Variants in TRAF3IP3 observed in about 807,000 individuals in gnomAD.
The protein encoded by TRAF3IP3 is TRAF3-interacting JNK-activating modulator.
A neutral mutation model predicts 86.5 loss-of-function variants in TRAF3IP3; 64 were observed. The observed-to-expected ratio is 0.74, with a 90% CI of 0.60 to 0.91. The LOEUF is 0.91. Among genes scored for constraint, TRAF3IP3 ranks in the 40% least tolerant of loss-of-function variants. The pLI is 0.00. For missense variants in TRAF3IP3, 579 were observed against 642.9 expected, an observed-to-expected ratio of 0.90 and a Z score of 1.07; for synonymous variants, 220 against 243.9, an observed-to-expected ratio of 0.90 and a Z score of 0.91.
At chr1:209,768,022 C>T (rs1041776113) in intron 8 of TRAF3IP3, 1 of 587,870 alleles carries the variant, frequency 1.7e-6, no homozygotes, top group South Asian at 7.5e-5. Flanking sequence ...TAAAGAAAAA[C>T]AGTCTCAGAC....
intron 9 of TRAF3IP3, among the ~76,000 whole-genome samples, chr1:209,774,782 T>C (rs148771611): frequency 6.6e-6 from 1 of 152,264 alleles, no homozygotes; most frequent in East Asian, 1.9e-4. Flanking sequence ...AATGCAGAAC[T>C]GAAAAGGGAC....
intron 8 of TRAF3IP3, 70 bp from the exon 9 acceptor site, chr1:209,772,878 G>A: frequency 2.2e-6 from 3 of 1,346,286 alleles, no homozygotes; most frequent in Non-Finnish European, 2.1e-6. Flanking sequence ...AGTAGAATAG[G>A]AATATAGAGT....
At position 209,777,548 on chromosome 1, in the gene TRAF3IP3, A is replaced by C. The variant is rs547381489; in HGVS notation, c.1189+61A>C. 3.3e-6 allele frequency: 5 copies of C among 1,500,684 alleles called. No individual in the cohort carries two copies. The East Asian group carries it at 1.2e-4, about 35-fold the overall frequency. 93.0% of individuals were successfully genotyped at this position (1,500,684 alleles called of 1,614,324 possible). ...GCCATGGCCAAGTGAGCTAAGAAAA[A>C]AGAAACTGAATTAAGAGAAAGGCTT... On this transcript the variant is annotated intron_variant, in intron 12 of 16. Transcript: ENST00000367025.
rs180704292 is a variant in TRAF3IP3 at position 209,759,518 on chromosome 1, G to C, written c.-59+384G>C. Among the ~76,000 whole-genome samples the C allele has an allele frequency of 4.0e-3, 616 of 152,318 alleles. 2 individuals are homozygous for C. Among genetic ancestry groups the C allele is most frequent in the South Asian group, 0.013 (62 of 4,832 alleles). On this transcript the variant is annotated intron_variant, in intron 2 of 16. Transcript: ENST00000367025. ...CTATGTTAGTGACAGCTTGGACCAA[G>C]AGACCAGTAAAGATACTGACTTTCC...
Position 209,772,935 on chromosome 1 carries a change from C to G in TRAF3IP3, c.703-13C>G. 1 of 1,613,256 alleles carries G rather than the reference C, an allele frequency of 6.2e-7. No homozygotes were observed. Among genetic ancestry groups the G allele is most frequent in the East Asian group, 2.2e-5 (1 of 44,852 alleles). On this transcript the variant is annotated splice_polypyrimidine_tract_variant and intron_variant, in intron 8 of 16. Coordinates refer to ENST00000367025, the MANE Select transcript of TRAF3IP3 (RefSeq NM_025228.4). ...TTTGCCCCAAGCTCATTAACTCATC[C>G]CATTTGCTCCAGGGACAGCTTAATG...
chr1:209,768,651 C>G (rs2077402015), intron 8 of TRAF3IP3: 3 of 985,604 alleles, frequency 3.0e-6, no homozygotes, highest in African/African-American at 1.7e-5. Context: ...AGACCTCAGA[C>G]CGGCACCAGG....
chr1:209,779,590 G>A (rs566430926), intron 14 of TRAF3IP3: 2 of 671,768 alleles, frequency 3.0e-6, no homozygotes, highest in East Asian at 2.7e-5. Context: ...TGTGAAAAAG[G>A]GTTTCTATTC....
rs374009294 is a variant in TRAF3IP3, at chr1:209,780,648, T to C, written c.1449+42T>C. 436 of 1,468,706 alleles carry C rather than the reference T, an allele frequency of 3.0e-4. No homozygotes were observed. The African/African-American group carries it at 5.4e-3, about 18-fold the overall frequency. The allele number at this position is 1,468,706 out of a possible 1,614,324, so 91.0% of individuals were successfully genotyped here. On this transcript the variant is annotated intron_variant, in intron 15 of 16. Coordinates refer to ENST00000367025, the MANE Select transcript of TRAF3IP3 (RefSeq NM_025228.4). ...AGATAGTGAGGGCTCATTTGCGAAA[T>C]AGCAGAGAAACCTGGGAGGCAGTCA...
Position 209,782,159 on chromosome 1 carries a change from A to C in TRAF3IP3, c.*11A>C, listed in dbSNP as rs1056198749. 5.0e-6 allele frequency: 8 copies of C among 1,608,160 alleles called. No individual in the cohort carries two copies. Among genetic ancestry groups the C allele is most frequent in the Non-Finnish European group, 6.8e-6 (8 of 1,174,684 alleles). On this transcript the variant is annotated 3_prime_UTR_variant, in exon 17 of 17. Transcript: ENST00000367025. The stretch of plus-strand genomic sequence containing the variant: ...AACCTGATGATCTGAATAATTTGTG[A>C]CAACTGCCTTGGGTGAAAATCAGAA...
chr1:209,778,861 A>T (rs1469897953), intron 13 of TRAF3IP3: 1 of 176,218 alleles, frequency 5.7e-6, no homozygotes, highest in African/African-American at 2.4e-5. Flanking sequence ...TGAAGAACAG[A>T]AATGTATTGT....
At chr1:209,781,818 T>G (rs2077787096) in intron 16 of TRAF3IP3, 1 of 543,616 alleles carries the variant, frequency 1.8e-6, no homozygotes, top group Non-Finnish European at 3.3e-6. Flanking sequence ...CCTTCATTAT[T>G]CATATCAGTA....
intron 3 of TRAF3IP3, 55 bp downstream of exon 3, chr1:209,760,439 G>A (rs751212411): frequency 1.7e-5 from 25 of 1,439,612 alleles, no homozygotes; most frequent in Non-Finnish European, 2.2e-5. Context: ...CTCTGGACAA[G>A]GAGGGTGGGT....
At chr1:209,773,099 T>C (rs2077580364) in intron 9 of TRAF3IP3, 80 bp downstream of exon 9, 7 of 1,233,196 alleles carry the variant, frequency 5.7e-6, no homozygotes, top group East Asian at 2.6e-5. Context: ...AATCTTACTT[T>C]CGAGAAACAC....
chr1:209,781,877 T>C (rs2077789188), intron 16 of TRAF3IP3, 179 bp from the exon 17 acceptor site: 1 of 590,580 alleles, frequency 1.7e-6, no homozygotes. Context: ...CCAGAGAACA[T>C]TGGTTAAGTG....
chr1:209,777,604 A>G (rs1326055958), intron 12 of TRAF3IP3, 117 bp downstream of exon 12: 1 of 1,112,686 alleles, frequency 9.0e-7, no homozygotes, highest in East Asian at 2.6e-5. Context: ...TGATTGGTTG[A>G]TTGGCTTTAT....
chr1:209,764,884 A>T (rs2077312421), intron 8 of TRAF3IP3, among the ~76,000 whole-genome samples: 1 of 152,082 alleles, frequency 6.6e-6, no homozygotes, highest in Admixed American at 6.5e-5. Flanking sequence ...CTAGAAATTA[A>T]AACAGTTGGC....
chr1:209,769,854 G>A (rs1332736753), intron 8 of TRAF3IP3, among the ~76,000 whole-genome samples: 2 of 152,224 alleles, frequency 1.3e-5, no homozygotes, highest in African/African-American at 2.4e-5. Flanking sequence ...GAAAAAGCCA[G>A]AGAAAAGATA....
chr1:209,773,017 C>A lies in TRAF3IP3; in HGVS notation c.772C>A (p.Gln258Lys). The A allele has an allele frequency of 6.2e-7, 1 of 1,608,508 alleles. No individual in the cohort carries two copies. The highest frequency in any genetic ancestry group is 1.1e-5 in the South Asian group (1 of 89,812). ...AGAAAACCAGCTATACACCTGTACC[C>A]AGGTAAGCATTCTGAAGGATACTTC... is the stretch of plus-strand genomic sequence containing the variant. ...SLENQLYTCT[Q>K]KYSPWGMKKV... is the part of the protein sequence containing the mutation. The change falls in exon 9 of 17, where the codon CAG (glutamine) becomes AAG (lysine). Residue 258 changes from glutamine to lysine, a missense_variant and splice_region_variant. Gln to Lys is a moderately conservative substitution (Grantham distance 53). Coordinates refer to ENST00000367025, the MANE Select transcript of TRAF3IP3 (RefSeq NM_025228.4).
chr1:209,763,267 G>T, intron 6 of TRAF3IP3, 96 bp from the exon 7 acceptor site: 1 of 1,480,602 alleles, frequency 6.8e-7, no homozygotes. Context: ...AGCAGAAGAG[G>T]TTTGCTCTAC....
Sources: gnomAD v4.1 joint callset for allele counts (sites outside exome capture counted in the v4.1 genomes callset) on GRCh38, gnomAD v4.1.1 for gene constraint, MANE v1.5 for transcripts, NCBI Gene and HGNC (gene_info 2026-07-23, HGNC 2026-07-21) for gene names.